Variants in GPC5 observed in about 807,000 individuals in gnomAD.
GPC5 encodes glypican 5.
A neutral mutation model predicts 53.9 loss-of-function variants in GPC5; 47 were observed. The ratio of observed to expected loss-of-function variants is 0.87; its 90% confidence interval spans 0.69 to 1.11. The LOEUF is 1.11. GPC5 is among the 50% of genes most tolerant of loss of function. The pLI is 0.00. For missense variants in GPC5, 748 were observed against 713.1 expected (o/e 1.05, Z -0.56); for synonymous variants, 286 against 263.3 (o/e 1.09, Z -0.84).
At chr13:91,970,013 A>G (rs543609567) in intron 6 of GPC5, among the ~76,000 whole-genome samples, 2 of 152,296 alleles carry the variant, frequency 1.3e-5, no homozygotes, top group African/African-American at 4.8e-5. Context: ...TGAGGAATCA[A>G]CCTGAGGGTT....
intron 2 of GPC5, among the ~76,000 whole-genome samples, chr13:91,682,241 G>T (rs1453613091): frequency 6.6e-6 from 1 of 152,166 alleles, no homozygotes; most frequent in African/African-American, 2.4e-5. Flanking sequence ...GCTAGTAAGA[G>T]TACCCGTATC....
intron 7 of GPC5, among the ~76,000 whole-genome samples, chr13:92,334,965 G>C (rs548195530): frequency 3.3e-5 from 5 of 152,070 alleles, no homozygotes; most frequent in African/African-American, 4.8e-5. Context: ...GGCTTTTCCA[G>C]GTGCATGGTG....
intron 2 of GPC5, among the ~76,000 whole-genome samples, chr13:91,493,371 T>C (rs1234854140): frequency 1.3e-5 from 2 of 152,244 alleles, no homozygotes; most frequent in African/African-American, 2.4e-5. Context: ...TTTTAGTTAT[T>C]TTAAAATGTA....
At chr13:91,784,010 T>C (rs184631745) in intron 5 of GPC5, among the ~76,000 whole-genome samples, 1 of 152,302 alleles carries the variant, frequency 6.6e-6, no homozygotes, top group Non-Finnish European at 1.5e-5. Context: ...TTGTAGTCTA[T>C]AGTGTGGATA....
At chr13:92,653,094 G>A (rs1291178721) in intron 7 of GPC5, among the ~76,000 whole-genome samples, 2 of 152,100 alleles carry the variant, frequency 1.3e-5, no homozygotes, top group Non-Finnish European at 2.9e-5. Context: ...AATATGGGAG[G>A]GAAGAAAGTA....
chr13:92,786,511 A>G (rs1048121270), intron 7 of GPC5, among the ~76,000 whole-genome samples: 1 of 152,108 alleles, frequency 6.6e-6, no homozygotes, highest in African/African-American at 2.4e-5. Context: ...TGATTAAACA[A>G]AGGCAGAAGT....
At chr13:92,055,036 C>A (rs1196834842) in intron 6 of GPC5, among the ~76,000 whole-genome samples, 4 of 152,276 alleles carry the variant, frequency 2.6e-5, no homozygotes, top group African/African-American at 9.6e-5. Flanking sequence ...GATTTGATTT[C>A]TCTATTGTTG....
intron 7 of GPC5, among the ~76,000 whole-genome samples, chr13:92,518,335 C>A (rs983123681): frequency 3.9e-5 from 6 of 152,048 alleles, no homozygotes; most frequent in African/African-American, 1.4e-4. Context: ...TCAGATTCAC[C>A]AAAGTTGAAA....
At chr13:92,416,495 G>A (rs1876297651) in intron 7 of GPC5, among the ~76,000 whole-genome samples, 1 of 152,152 alleles carries the variant, frequency 6.6e-6, no homozygotes, top group Admixed American at 6.5e-5. Flanking sequence ...TCAACAAATG[G>A]TGCTGGGACA....
At position 91,399,170 on chromosome 13, in the gene GPC5, C is replaced by CTG. The variant is rs1424072161; in HGVS notation, c.125_126dup (p.Gly43TrpfsTer55). 6.2e-7 allele frequency: 1 copy of CTG among 1,612,734 alleles called. No individual in the cohort carries two copies. Among genetic ancestry groups the CTG allele is most frequent in the African/African-American group, 1.3e-5 (1 of 75,040 alleles). On this transcript the variant is annotated frameshift_variant, in exon 1 of 8. Transcript: ENST00000377067. LOFTEE classifies it high-confidence loss of function. Reference sequence around the variant, plus strand: ...TCGGAAACTTTTCCAGTGGCGGCTGCTGGGAGCTGTCAGGGGGCTGCCGGA... The same window carrying CTG: ...TCGGAAACTTTTCCAGTGGCGGCTGCTGTGGGAGCTGTCAGGGGGCTGCCGGA...
At chr13:92,437,178 A>C (rs1166723649) in intron 7 of GPC5, among the ~76,000 whole-genome samples, 2 of 149,078 alleles carry the variant, frequency 1.3e-5, no homozygotes, top group African/African-American at 5.0e-5. Context: ...CAAGAAAACT[A>C]AGACAGTCAC....
chr13:92,534,284 A>G (rs1254965582), intron 7 of GPC5, among the ~76,000 whole-genome samples: 1 of 152,106 alleles, frequency 6.6e-6, no homozygotes, highest in Non-Finnish European at 1.5e-5. Flanking sequence ...TGTCTCCAAT[A>G]AATAGATGAC....
chr13:91,791,244 C>A (rs1246679313), intron 5 of GPC5, among the ~76,000 whole-genome samples: 1 of 152,134 alleles, frequency 6.6e-6, no homozygotes, highest in Non-Finnish European at 1.5e-5. Flanking sequence ...ATCTGAGGAA[C>A]CTGGGCTCAT....
At chr13:91,454,734 C>T (rs1378266670) in intron 2 of GPC5, among the ~76,000 whole-genome samples, 1 of 152,008 alleles carries the variant, frequency 6.6e-6, no homozygotes. Context: ...CTAACAGTAG[C>T]TAGTATCTGT....
Position 91,571,804 on chromosome 13 carries a change from C to CGTGTGTGTGTGTAT in GPC5, c.326-121383_326-121382insGTGTGTGTGTGTAT, listed in dbSNP as rs2031812898. Among the ~76,000 whole-genome samples, 8 of 103,534 alleles carry CGTGTGTGTGTGTAT rather than the reference C, an allele frequency of 7.7e-5. 1 individual carries two copies. The highest frequency in any genetic ancestry group is 3.9e-4 in the African/African-American group (8 of 20,704). The allele number at this position is 103,534 out of a possible 152,430, so 67.9% of individuals were successfully genotyped here. A position where few individuals can be genotyped will look rare whatever the true frequency, so the allele number is the denominator to read the frequency against. ...ACACATATACGTGTGTGTATATATA[C>CGTGTGTGTGTGTAT]ACACACATACGTGTGTGTATATATA... On this transcript the variant is annotated intron_variant, in intron 2 of 7. Coordinates refer to ENST00000377067, the MANE Select transcript of GPC5 (RefSeq NM_004466.6).
chr13:91,722,045 A>G (rs945015691), intron 3 of GPC5, among the ~76,000 whole-genome samples: 1 of 152,240 alleles, frequency 6.6e-6, no homozygotes, highest in Non-Finnish European at 1.5e-5. Flanking sequence ...GGCTCAGTGT[A>G]TTGATTGACA....
At chr13:92,831,193 A>G (rs1878032090) in intron 7 of GPC5, among the ~76,000 whole-genome samples, 2 of 152,276 alleles carry the variant, frequency 1.3e-5, no homozygotes, top group South Asian at 4.1e-4. Context: ...ATAAAATCAA[A>G]TTCCTGTTAC....
chr13:92,692,055 G>A (rs1887417090), intron 7 of GPC5, among the ~76,000 whole-genome samples: 1 of 152,030 alleles, frequency 6.6e-6, no homozygotes, highest in Non-Finnish European at 1.5e-5. Flanking sequence ...AGTCTTCAGT[G>A]TCTATTGTTC....
chr13:92,100,835 C>T lies in GPC5; in HGVS notation c.1402-43995C>T, dbSNP rs78624266. Among the ~76,000 whole-genome samples, 908 of 152,268 alleles carry T rather than the reference C, an allele frequency of 6.0e-3. 2 individuals carry two copies. Among genetic ancestry groups the T allele is most frequent in the Non-Finnish European group, 9.9e-3 (674 of 68,014 alleles). ...ATTCTCCAAAAACATAGGCATGGTC[C>T]ATCATGCCACTCAAGGAATCTTTAT... On this transcript the variant is annotated intron_variant, in intron 6 of 7. Coordinates refer to ENST00000377067, the MANE Select transcript of GPC5 (RefSeq NM_004466.6).
Sources: gnomAD v4.1 joint callset for allele counts (sites outside exome capture counted in the v4.1 genomes callset) on GRCh38, gnomAD v4.1.1 for gene constraint, MANE v1.5 for transcripts, NCBI Gene and HGNC (gene_info 2026-07-23, HGNC 2026-07-21) for gene names.